Variants in ATL2 observed in about 807,000 individuals in gnomAD.
ATL2 encodes atlastin GTPase 2.
In ATL2, 31 loss-of-function variants were observed where a neutral mutation model predicts 73.9. The observed-to-expected ratio is 0.42, with a 90% confidence interval of 0.32 to 0.57. The LOEUF (loss-of-function observed/expected upper bound fraction) is 0.57. ATL2 is among the 20% of genes least tolerant of loss of function. The probability of loss-of-function intolerance (pLI) is 0.14; values close to 1 mark genes in which losing one functional copy is unlikely to be tolerated. For missense variants in ATL2, 738 were observed against 702.6 expected (o/e 1.05, Z -0.57); for synonymous variants, 291 against 237.5 (o/e 1.23, Z -2.07).
At position 38,370,448 on chromosome 2, in the gene ATL2, C is replaced by CAAAAA. The variant is rs55964015; in HGVS notation, c.118+6690_118+6694dup. Among the ~76,000 whole-genome samples, 82 of 55,218 alleles carry CAAAAA rather than the reference C, an allele frequency of 1.5e-3. 9 individuals are homozygous for CAAAAA. Among genetic ancestry groups the CAAAAA allele is most frequent in the Non-Finnish European group, 2.3e-3 (61 of 26,220 alleles). The allele number at this position is 55,218 out of a possible 152,430, so 36.2% of individuals were successfully genotyped here. ...TGGGAGACAGAGTGAGACTCTGTCC[C>CAAAAA]AAAAAAAAAAAAAAAAAAAAAAAAA... On this transcript the variant is annotated intron_variant, in intron 1 of 12. Transcript: ENST00000378954.
In ATL2 at chr2:38,300,273, T is replaced by C; in HGVS notation, c.1127A>G (p.Gln376Arg). 1.3e-6 allele frequency: 2 copies of C among 1,593,972 alleles called. No homozygotes were observed. The highest frequency in any genetic ancestry group is 1.7e-6 in the Non-Finnish European group (2 of 1,162,540). The change falls in exon 10 of 13, where the codon CAG becomes CGG. Residue 376 changes from glutamine to arginine, a missense_variant and splice_region_variant. Coordinates refer to ENST00000378954, the MANE Select transcript of ATL2 (RefSeq NM_001135673.4). Reference sequence around the variant, plus strand: ...ACATATCACTCTCTCTCTCTCTACCTGAAGCATGGACTTTGGATGTGGAAG... The same window carrying C: ...ACATATCACTCTCTCTCTCTCTACCCGAAGCATGGACTTTGGATGTGGAAG... ...EELPHPKSML[Q>R]ATAEANNLAA...
At chr2:38,366,360 C>CT (rs1204059401) in intron 1 of ATL2, among the ~76,000 whole-genome samples, 4 of 152,142 alleles carry the variant, frequency 2.6e-5, no homozygotes, top group Non-Finnish European at 4.4e-5. Flanking sequence ...AGCCCCATTC[C>CT]TTTTTTTATT....
intron 9 of ATL2, among the ~76,000 whole-genome samples, chr2:38,304,156 A>C (rs1667332641): frequency 6.6e-6 from 1 of 152,184 alleles, no homozygotes; most frequent in African/African-American, 2.4e-5. Flanking sequence ...ATGCATCAAC[A>C]GAAAAGAAAC....
At chr2:38,338,044 C>T (rs1430186590) in intron 2 of ATL2, among the ~76,000 whole-genome samples, 2 of 152,154 alleles carry the variant, frequency 1.3e-5, no homozygotes, top group East Asian at 3.8e-4. Context: ...CGAGACGTGA[C>T]AATCTAATCA....
At chr2:38,315,449 A>C in intron 4 of ATL2, 115 bp from the exon 5 acceptor site, 2 of 1,043,588 alleles carry the variant, frequency 1.9e-6, no homozygotes, top group Non-Finnish European at 2.7e-6. Context: ...CAAAGGAATC[A>C]TTTAACTACT....
At chr2:38,311,277 T>C (rs1558395913) in intron 7 of ATL2, among the ~76,000 whole-genome samples, 3 of 152,096 alleles carry the variant, frequency 2.0e-5, no homozygotes, top group African/African-American at 7.2e-5. Context: ...TTTATGCTAG[T>C]TACCAGAATT....
intron 1 of ATL2, among the ~76,000 whole-genome samples, chr2:38,372,493 A>G (rs2124504327): frequency 6.6e-6 from 1 of 152,264 alleles, no homozygotes; most frequent in South Asian, 2.1e-4. Context: ...TCTGGAACTA[A>G]TTTCCCATGG....
chr2:38,331,198 G>A (rs984015932), intron 2 of ATL2, among the ~76,000 whole-genome samples: 1 of 152,024 alleles, frequency 6.6e-6, no homozygotes, highest in African/African-American at 2.4e-5. Flanking sequence ...ACTTTGGGAG[G>A]CCGAGGTGGG....
At chr2:38,350,556 C>A (rs56199840) in intron 1 of ATL2, among the ~76,000 whole-genome samples, 5,791 of 152,130 alleles carry the variant, frequency 0.038, 146 homozygotes, top group African/African-American at 0.07. Context: ...ATGAAAAAAA[C>A]CATTGAATAT....
chr2:38,335,186 C>T (rs1669281785), intron 2 of ATL2, among the ~76,000 whole-genome samples: 1 of 151,682 alleles, frequency 6.6e-6, no homozygotes, highest in African/African-American at 2.4e-5. Flanking sequence ...AAAATTTTGG[C>T]AATCCCTACT....
intron 1 of ATL2, among the ~76,000 whole-genome samples, chr2:38,368,859 T>A (rs899416705): frequency 6.6e-6 from 1 of 151,446 alleles, no homozygotes; most frequent in African/African-American, 2.4e-5. Context: ...GAGGTGGAGG[T>A]TGGAGGATCG....
intron 2 of ATL2, among the ~76,000 whole-genome samples, chr2:38,328,716 T>G (rs532008239): frequency 6.6e-6 from 1 of 152,036 alleles, no homozygotes; most frequent in Admixed American, 6.6e-5. Context: ...ATGCATACAG[T>G]AGGAAAGAAA....
chr2:38,304,255 G>C (rs997939419), intron 9 of ATL2, among the ~76,000 whole-genome samples: 2 of 152,100 alleles, frequency 1.3e-5, no homozygotes, highest in African/African-American at 2.4e-5. Flanking sequence ...ATGACATAAA[G>C]TGCTGAAGAA....
Position 38,299,265 on chromosome 2 carries a change from A to G in ATL2, c.1191T>C (p.Ser397=), listed in dbSNP as rs760054846. Residue 397 remains serine, a synonymous_variant, in exon 11 of 13, where the codon AGT becomes AGC. Coordinates refer to ENST00000378954, the MANE Select transcript of ATL2 (RefSeq NM_001135673.4). ...VAGARDTYCK[S]MEQVCGGDKP... The stretch of plus-strand genomic sequence containing the variant: ...AATTTTAGGTACAAACCTGTTCCAT[A>G]CTTTTACAATAGGTATCTCTTGCTC... 2.0e-6 allele frequency: 3 copies of G among 1,519,052 alleles called. No individual in the cohort carries two copies. 94.1% of individuals were successfully genotyped at this position (1,519,052 alleles called of 1,614,324 possible). A position where few individuals can be genotyped will look rare whatever the true frequency, so the allele number is the denominator to read the frequency against.
intron 1 of ATL2, among the ~76,000 whole-genome samples, chr2:38,371,894 C>T (rs1351450048): frequency 6.6e-6 from 1 of 152,082 alleles, no homozygotes; most frequent in African/African-American, 2.4e-5. Context: ...GAGGCTCTGT[C>T]TCAAAATAAA....
rs1300277819 is a variant in ATL2, at chr2:38,325,681, CACACACACACACACCAGT to C, written c.364-6680_364-6663del. On this transcript the variant is annotated intron_variant, in intron 2 of 12. Transcript: ENST00000378954. ...ACCAGTACACACACACACACACACACACACACACACACACCAGTACACACACACACACACACACACACA... is the reference window on the plus strand; with the variant it reads ...ACCAGTACACACACACACACACACACACACACACACACACACACACACACA... Among the ~76,000 whole-genome samples, 37 of 77,514 alleles carry C rather than the reference CACACACACACACACCAGT, an allele frequency of 4.8e-4. 1 individual carries two copies. The highest frequency in any genetic ancestry group is 2.9e-3 in the African/African-American group (25 of 8,526). 50.9% of individuals were successfully genotyped at this position (77,514 alleles called of 152,430 possible).
intron 2 of ATL2, among the ~76,000 whole-genome samples, chr2:38,339,073 G>T (rs968748807): frequency 6.6e-6 from 1 of 152,004 alleles, no homozygotes; most frequent in Non-Finnish European, 1.5e-5. Context: ...AAAATTAGCT[G>T]TGTGTGGTGG....
At chr2:38,330,350 A>C (rs1169393697) in intron 2 of ATL2, among the ~76,000 whole-genome samples, 2 of 152,092 alleles carry the variant, frequency 1.3e-5, no homozygotes, top group African/African-American at 4.8e-5. Context: ...TAGAAAACAG[A>C]CAAGGATATT....
intron 1 of ATL2, among the ~76,000 whole-genome samples, chr2:38,354,607 G>A (rs911135276): frequency 6.6e-6 from 1 of 151,784 alleles, no homozygotes; most frequent in East Asian, 1.9e-4. Flanking sequence ...AGCCAATAAG[G>A]GGCCAGGTGT....
Sources: allele counts gnomAD v4.1 joint callset (sites outside exome capture counted in the v4.1 genomes callset), GRCh38; gene constraint gnomAD v4.1.1; transcripts MANE v1.5; gene names NCBI Gene and HGNC (gene_info 2026-07-23, HGNC 2026-07-21).